The following FER variants were observed in gnomAD, a reference collection of about 807,000 sequenced individuals.
FER encodes the protein tyrosine-protein kinase Fer.
FER carries 63 observed loss-of-function variants against 111.0 expected under a neutral mutation model. The ratio of observed to expected loss-of-function variants is 0.57; its 90% confidence interval spans 0.46 to 0.70. The LOEUF is 0.70. Among genes scored for constraint, FER ranks in the 30% least tolerant of loss-of-function variants. The pLI, the probability that FER is intolerant of heterozygous loss-of-function variation, is 0.00. For synonymous variants in FER, 327 were observed against 313.9 expected (o/e 1.04, Z -0.44); for missense variants, 914 against 954.0 (o/e 0.96, Z 0.55).
At chr5:109,110,273 G>A (rs997228694) in intron 17 of FER, among the ~76,000 whole-genome samples, 7 of 152,142 alleles carry the variant, frequency 4.6e-5, no homozygotes, top group Non-Finnish European at 8.8e-5. Flanking sequence ...TAGTCCATGT[G>A]TTAAAAAGTG....
At chr5:108,778,234 A>G (rs1318882375) in intron 2 of FER, among the ~76,000 whole-genome samples, 1 of 152,212 alleles carries the variant, frequency 6.6e-6, no homozygotes, top group East Asian at 1.9e-4. Context: ...AGTTTTGGCA[A>G]TTATGAATAA....
chr5:109,053,882 G>A (rs973675652), intron 16 of FER, among the ~76,000 whole-genome samples: 7 of 151,702 alleles, frequency 4.6e-5, no homozygotes, highest in African/African-American at 4.8e-5. Context: ...TAGTACTGAC[G>A]GGGTTTCACC....
chr5:109,133,889 T>G (rs1397619408), intron 17 of FER, among the ~76,000 whole-genome samples: 1 of 152,152 alleles, frequency 6.6e-6, no homozygotes, highest in Non-Finnish European at 1.5e-5. Flanking sequence ...CAAAATTTGT[T>G]CTTAAAGACT....
chr5:108,985,122 A>G (rs965687121), intron 13 of FER, among the ~76,000 whole-genome samples: 1 of 152,160 alleles, frequency 6.6e-6, no homozygotes, highest in African/African-American at 2.4e-5. Context: ...ACATACTACA[A>G]ATTCAGGGTT....
At chr5:108,813,427 A>G (rs991878663) in intron 3 of FER, among the ~76,000 whole-genome samples, 4 of 152,114 alleles carry the variant, frequency 2.6e-5, no homozygotes, top group African/African-American at 4.8e-5. Flanking sequence ...TACAGTTTTC[A>G]TCAACTTTGG....
In FER at chr5:109,003,219, A is replaced by G. The variant is rs183966446; in HGVS notation, c.1657-34203A>G. Among the ~76,000 whole-genome samples, 897 of 152,350 alleles carry G rather than the reference A, an allele frequency of 5.9e-3. 5 individuals carry two copies. Among genetic ancestry groups the G allele is most frequent in the African/African-American group, 0.021 (860 of 41,578 alleles). On this transcript the variant is annotated intron_variant, in intron 13 of 19. Transcript: ENST00000281092. ...ATAGCAAAGACTTGGAACCAACCCAAATGTCCAACAATGATAGACTGGATT... is the reference window on the plus strand; with the variant it reads ...ATAGCAAAGACTTGGAACCAACCCAGATGTCCAACAATGATAGACTGGATT...
chr5:108,876,887 A>G (rs1490616238), intron 8 of FER, among the ~76,000 whole-genome samples: 1 of 152,200 alleles, frequency 6.6e-6, no homozygotes, highest in Non-Finnish European at 1.5e-5. Context: ...AGAGACTTGC[A>G]TTACGATAAC....
chr5:109,080,930 C>T (rs1776916860), intron 16 of FER, among the ~76,000 whole-genome samples: 2 of 152,012 alleles, frequency 1.3e-5, no homozygotes, highest in Admixed American at 6.6e-5. Context: ...TGCTGGGTAG[C>T]GAGGATGGAA....
chr5:109,088,007 A>G (rs1011405448), intron 16 of FER, among the ~76,000 whole-genome samples: 1 of 151,994 alleles, frequency 6.6e-6, no homozygotes, highest in Non-Finnish European at 1.5e-5. Flanking sequence ...AGTGGTTTTC[A>G]TATGCATTTA....
chr5:108,785,617 C>T (rs1197512138), intron 2 of FER: 1 of 401,020 alleles, frequency 2.5e-6, no homozygotes, highest in Non-Finnish European at 4.8e-6. Flanking sequence ...AGTGGGGAGT[C>T]TCAGGCCTTA....
intron 13 of FER, among the ~76,000 whole-genome samples, chr5:109,009,044 CTT>C (rs1030906789): frequency 3.0e-4 from 35 of 115,980 alleles, no homozygotes; most frequent in African/African-American, 8.3e-4. Context: ...CCTCTTCAGT[CTT>C]TTTTTTTTTT....
chr5:109,175,863 C>T (rs768886961), intron 17 of FER, among the ~76,000 whole-genome samples: 4 of 152,144 alleles, frequency 2.6e-5, no homozygotes, highest in Non-Finnish European at 5.9e-5. Context: ...CCTGCAATTC[C>T]AACACTTTGG....
intron 10 of FER, among the ~76,000 whole-genome samples, chr5:108,921,255 T>A (rs1343322847): frequency 2.0e-5 from 3 of 152,210 alleles, no homozygotes; most frequent in Non-Finnish European, 2.9e-5. Context: ...GAATTTACTC[T>A]GTGGTAGGTT....
intron 17 of FER, among the ~76,000 whole-genome samples, chr5:109,143,254 C>T (rs1410717783): frequency 6.6e-6 from 1 of 152,164 alleles, no homozygotes; most frequent in African/African-American, 2.4e-5. Flanking sequence ...GCCCAATCCA[C>T]TTACACAGAG....
rs181903253 is a variant in FER at position 109,089,119 on chromosome 5, G to A, written c.1925-11277G>A. On this transcript the variant is annotated intron_variant, in intron 16 of 19. Transcript: ENST00000281092. ...TTTGTTGCTTTAGTTGCAGACAGTGGGCTGTGTATAGGGTGGGTGGCAGAT... is the reference window on the plus strand; with the variant it reads ...TTTGTTGCTTTAGTTGCAGACAGTGAGCTGTGTATAGGGTGGGTGGCAGAT... Among the ~76,000 whole-genome samples the A allele has an allele frequency of 4.6e-3, 697 of 152,284 alleles. 21 individuals carry two copies. The highest frequency in any genetic ancestry group is 0.042 in the Admixed American group (643 of 15,300).
chr5:108,792,085 C>G (rs1196667727), intron 2 of FER, among the ~76,000 whole-genome samples: 1 of 152,118 alleles, frequency 6.6e-6, no homozygotes, highest in African/African-American at 2.4e-5. Flanking sequence ...ATCACTGTAG[C>G]TTTTTAGTAG....
At chr5:108,819,277 C>T (rs1449926033) in intron 3 of FER, among the ~76,000 whole-genome samples, 3 of 151,732 alleles carry the variant, frequency 2.0e-5, no homozygotes, top group Non-Finnish European at 4.4e-5. Context: ...CCTGCCTCAG[C>T]CTGTAATTCC....
intron 10 of FER, among the ~76,000 whole-genome samples, chr5:108,901,193 A>G (rs1749963478): frequency 6.6e-6 from 1 of 150,702 alleles, no homozygotes; most frequent in Non-Finnish European, 1.5e-5. Context: ...GTCTGCTAGC[A>G]CCTTGATCTT....
chr5:108,941,503 T>G (rs1283919915), intron 10 of FER, among the ~76,000 whole-genome samples: 1 of 152,164 alleles, frequency 6.6e-6, no homozygotes, highest in Non-Finnish European at 1.5e-5. Flanking sequence ...GATGTAATAC[T>G]TTCACTCTCA....
Sources: allele counts gnomAD v4.1 joint callset (sites outside exome capture counted in the v4.1 genomes callset), GRCh38; gene constraint gnomAD v4.1.1; transcripts MANE v1.5; gene names NCBI Gene and HGNC (gene_info 2026-07-23, HGNC 2026-07-21).